SHCBP1L: variants seen among roughly 807,000 people sequenced by gnomAD.
SHCBP1L encodes the protein SHC binding and spindle associated 1 like.
SHCBP1L carries 67 observed loss-of-function variants against 62.5 expected under a neutral mutation model. The observed-to-expected ratio is 1.07, with a 90% CI of 0.88 to 1.31. The LOEUF (loss-of-function observed/expected upper bound fraction) is 1.31. Ranked by LOEUF, SHCBP1L falls within the 40% of genes most tolerant of loss-of-function variation. The pLI is 0.00. For missense variants in SHCBP1L, 823 were observed against 809.8 expected (o/e 1.02, Z -0.20); for synonymous variants, 284 against 289.4 (o/e 0.98, Z 0.19).
intron 2 of SHCBP1L, chr1:182,942,275 TC>T (rs1651393030): frequency 1.6e-6 from 2 of 1,242,932 alleles, no homozygotes; most frequent in Non-Finnish European, 2.4e-6. Flanking sequence ...TGAAGATTTA[TC>T]CTTCGCTGCT....
In SHCBP1L at chr1:182,940,446, T is replaced by G; in HGVS notation, c.653A>C (p.Asp218Ala). Residue 218 changes from aspartate to alanine, a missense_variant, in exon 3 of 10, where the codon GAT becomes GCT. By Grantham distance (126) the Asp-to-Ala change is moderately radical. Transcript: ENST00000367547. The stretch of plus-strand genomic sequence containing the variant: ...TTCCTCCAAAATCTCATCAACCAAA[T>G]CTCTTGGAATATTTGCAATGTTGGA... ...FSSNIANIPR[D>A]LVDEILEELE... 6.2e-7 allele frequency: 1 copy of G among 1,613,804 alleles called. No homozygotes were observed. The highest frequency in any genetic ancestry group is 8.5e-7 in the Non-Finnish European group (1 of 1,179,944).
intron 6 of SHCBP1L, among the ~76,000 whole-genome samples, chr1:182,909,929 G>C (rs1039708817): frequency 3.3e-5 from 5 of 152,188 alleles, no homozygotes; most frequent in Non-Finnish European, 7.3e-5. Flanking sequence ...GAATAAATAC[G>C]AAGAAGTGGA....
intron 5 of SHCBP1L, among the ~76,000 whole-genome samples, chr1:182,934,754 A>G (rs576817195): frequency 2.0e-5 from 3 of 152,230 alleles, no homozygotes; most frequent in Admixed American, 6.5e-5. Context: ...ACCCACTGCC[A>G]AACACAAGAT....
intron 6 of SHCBP1L, among the ~76,000 whole-genome samples, chr1:182,908,309 C>T (rs1031909784): frequency 3.3e-5 from 5 of 152,170 alleles, no homozygotes; most frequent in African/African-American, 1.2e-4. Context: ...CTATTGTTCT[C>T]ATGTTTGTGT....
rs183032151 is a variant in SHCBP1L at position 182,938,823 on chromosome 1, G to C, written c.1076+353C>G. On this transcript the variant is annotated intron_variant, in intron 5 of 9. Transcript: ENST00000367547. The stretch of plus-strand genomic sequence containing the variant: ...TGTTATGTAGACAGACTCTGTCTAT[G>C]TCTTGCTACTCTTTTAGCTATAATC... 4.6e-5 allele frequency among the ~76,000 whole-genome samples: 7 copies of C among 152,232 alleles called. No individual in the cohort carries two copies. The East Asian group carries it at 1.4e-3, about 29-fold the overall frequency.
rs1386883674 is a variant in SHCBP1L, at chr1:182,936,128, TTG to T, written c.1076+3046_1076+3047del. 2.3e-3 allele frequency among the ~76,000 whole-genome samples: 271 copies of T among 115,488 alleles called. 4 individuals carry two copies. The highest frequency in any genetic ancestry group is 9.8e-3 in the African/African-American group (235 of 23,920). 75.8% of individuals were successfully genotyped at this position (115,488 alleles called of 152,430 possible). ...AGTGTTTTGGTTGCTTTTTTGTTTT[TTG>T]TTTTTTTTTTTTTTTTTTTTTTTGA... is the stretch of plus-strand genomic sequence containing the variant. On this transcript the variant is annotated intron_variant, in intron 5 of 9. Coordinates refer to ENST00000367547, the MANE Select transcript of SHCBP1L (RefSeq NM_030933.4).
intron 6 of SHCBP1L, among the ~76,000 whole-genome samples, chr1:182,911,416 A>C (rs1412608775): frequency 6.6e-6 from 1 of 152,214 alleles, no homozygotes; most frequent in Non-Finnish European, 1.5e-5. Context: ...ATATTATAAT[A>C]TCTAAAATGT....
intron 6 of SHCBP1L, among the ~76,000 whole-genome samples, chr1:182,913,183 C>T (rs1388509050): frequency 6.6e-6 from 1 of 152,104 alleles, no homozygotes; most frequent in African/African-American, 2.4e-5. Flanking sequence ...AAATGTTTCT[C>T]TGAGTCCTGT....
At chr1:182,924,786 A>AAGAAAGAAAGAAAGAAAGAG (rs1557996865) in intron 6 of SHCBP1L, among the ~76,000 whole-genome samples, 8 of 93,012 alleles carry the variant, frequency 8.6e-5, no homozygotes, top group African/African-American at 3.9e-4. Flanking sequence ...GAAAGAAAGA[A>AAGAAAGAAAGAAAGAAAGAG]AGAGAGAAAG....
chr1:182,903,057 T>C lies in SHCBP1L; in HGVS notation c.1692A>G (p.Leu564=), dbSNP rs1405677144. Residue 564 remains leucine, a synonymous_variant, in exon 9 of 10, where the codon TTA becomes TTG. Transcript: ENST00000367547. ...LRTSNSSKST[L]GGVNMKVLPA... ...AGAATACCTTCATATTAACTCCACC[T>C]AAGGTGCTTTTTGAACTGTTACTGG... 2 of 1,593,410 alleles carry C rather than the reference T, an allele frequency of 1.3e-6. No individual in the cohort carries two copies. Among genetic ancestry groups the C allele is most frequent in the Non-Finnish European group, 8.5e-7 (1 of 1,170,684 alleles).
chr1:182,953,015 A>G lies in SHCBP1L; in HGVS notation c.119T>C (p.Leu40Pro), dbSNP rs774784407. ...VSGDTAAATTLKGTAIPVRSV... is the reference protein window; with the variant it reads ...VSGDTAAATTPKGTAIPVRSV... ...CCGCACTGGGATCGCGGTGCCCTTC[A>G]GGGTGGTCGCGGCCGCCGTGTCCCC... Residue 40 changes from leucine (L) to proline (P), a missense_variant, in exon 1 of 10, where the codon CTG becomes CCG. By Grantham distance (98) the Leu-to-Pro change is moderately conservative. Transcript: ENST00000367547. The G allele has an allele frequency of 6.5e-7, 1 of 1,542,900 alleles. No homozygotes were observed. Among genetic ancestry groups the G allele is most frequent in the Admixed American group, 1.9e-5 (1 of 51,780 alleles).
chr1:182,924,764 GAAA>G (rs1557996735), intron 6 of SHCBP1L, among the ~76,000 whole-genome samples: 2 of 91,112 alleles, frequency 2.2e-5, no homozygotes, highest in Non-Finnish European at 3.7e-5. Flanking sequence ...AAGAAAGAAA[GAAA>G]GAAAGAAAGA....
At position 182,953,148 on chromosome 1, in the gene SHCBP1L, G is replaced by C. The variant is rs1390059388; in HGVS notation, c.-15C>G. 6.3e-7 allele frequency: 1 copy of C among 1,575,246 alleles called. No homozygotes were observed. Among genetic ancestry groups the C allele is most frequent in the Non-Finnish European group, 8.6e-7 (1 of 1,169,132 alleles). On this transcript the variant is annotated 5_prime_UTR_variant, in exon 1 of 10. Coordinates refer to ENST00000367547, the MANE Select transcript of SHCBP1L (RefSeq NM_030933.4). ...CCCGACGCCATCTCCTCAGCAGCCCGAGGGCCGAGGCAGCCGTTGGCCACT... is the reference window on the plus strand; with the variant it reads ...CCCGACGCCATCTCCTCAGCAGCCCCAGGGCCGAGGCAGCCGTTGGCCACT...
chr1:182,904,048 C>T (rs1649923235), intron 8 of SHCBP1L, 132 bp downstream of exon 8: 3 of 1,097,098 alleles, frequency 2.7e-6, no homozygotes, highest in South Asian at 1.6e-5. Flanking sequence ...TTGTTGATGT[C>T]TACCAGTTAC....
At chr1:182,937,951 T>C (rs1651232291) in intron 5 of SHCBP1L, among the ~76,000 whole-genome samples, 2 of 152,210 alleles carry the variant, frequency 1.3e-5, no homozygotes, top group African/African-American at 4.8e-5. Context: ...AAGCCCAACA[T>C]GACAAATCAG....
chr1:182,906,485 G>A (rs1650016719), intron 6 of SHCBP1L, among the ~76,000 whole-genome samples: 1 of 149,116 alleles, frequency 6.7e-6, no homozygotes, highest in Admixed American at 6.7e-5. Flanking sequence ...AGGTTGGTGT[G>A]CAATGGCACG....
chr1:182,925,028 G>GAGGAAGGGA (rs763525943), intron 6 of SHCBP1L, among the ~76,000 whole-genome samples: 11,777 of 140,046 alleles, frequency 0.084, 771 homozygotes, highest in African/African-American at 0.17. Flanking sequence ...GGAGGAAGGG[G>GAGGAAGGGA]AGGAAGGGAA....
chr1:182,930,965 G>A (rs1249600151), intron 5 of SHCBP1L, among the ~76,000 whole-genome samples: 2 of 146,632 alleles, frequency 1.4e-5, no homozygotes, highest in Non-Finnish European at 3.0e-5. Context: ...GCCTCAAGCA[G>A]TCCTCCCACC....
At chr1:182,914,903 C>T (rs1434012416) in intron 6 of SHCBP1L, among the ~76,000 whole-genome samples, 1 of 151,968 alleles carries the variant, frequency 6.6e-6, no homozygotes, top group Non-Finnish European at 1.5e-5. Flanking sequence ...GGTGTGGTGG[C>T]TCATGCCTGT....
Sources: allele counts gnomAD v4.1 joint callset (sites outside exome capture counted in the v4.1 genomes callset), GRCh38; gene constraint gnomAD v4.1.1; transcripts MANE v1.5; gene names NCBI Gene and HGNC (gene_info 2026-07-23, HGNC 2026-07-21).